The following USP7 variants were observed in gnomAD, a reference collection of about 807,000 sequenced individuals.
USP7 encodes the protein ubiquitin specific peptidase 7, also known as ubiquitin C-terminal hydrolase 7.
A neutral mutation model predicts 162.9 loss-of-function variants in USP7; 9 were observed. That is an observed-to-expected ratio of 0.06 (90% confidence interval 0.03 to 0.10). USP7 has a LOEUF of 0.10. Among genes scored for constraint, USP7 ranks in the 10% least tolerant of loss-of-function variants. The pLI is 1.00. For synonymous variants in USP7, 562 were observed against 475.9 expected, an observed-to-expected ratio of 1.18 and a Z score of -2.35; for missense variants, 715 against 1,373.7, an observed-to-expected ratio of 0.52 and a Z score of 7.58.
intron 7 of USP7, 120 bp downstream of exon 7, chr16:8,916,906 C>G (rs528856578): frequency 1.9e-5 from 22 of 1,162,328 alleles, no homozygotes; most frequent in East Asian, 8.0e-5. Context: ...AATGCTCAAG[C>G]CTCCCTAAAT....
In USP7 at chr16:8,902,491, A is replaced by G; in HGVS notation, c.1840-9T>C. 1 of 1,612,688 alleles carries G rather than the reference A, an allele frequency of 6.2e-7. No individual in the cohort carries two copies. ...TGATCTTGTGGAAATCCCTGAAAAA[A>G]ATATTAAGAGTAGATTAAAATAAAA... On this transcript the variant is annotated splice_polypyrimidine_tract_variant and intron_variant, in intron 16 of 30. Transcript: ENST00000344836.
Position 8,905,465 on chromosome 16 carries a change from T to C in USP7, c.1429-134A>G, listed in dbSNP as rs937594453. 1.4e-5 allele frequency: 15 copies of C among 1,087,332 alleles called. No homozygotes were observed. In the Admixed American group the frequency reaches 1.4e-4, roughly 10 times the overall value. 67.4% of individuals were successfully genotyped at this position (1,087,332 alleles called of 1,614,324 possible). A position where few individuals can be genotyped will look rare whatever the true frequency, so the allele number is the denominator to read the frequency against. On this transcript the variant is annotated intron_variant, in intron 13 of 30. Coordinates refer to ENST00000344836, the MANE Select transcript of USP7 (RefSeq NM_003470.3). ...TTGAAAAAATATCCATGTGTGTTCT[T>C]ATACAGGCACACAATCTGACGGTGT...
chr16:8,904,346 C>CAGAGGGGTGGG, intron 15 of USP7, 89 bp downstream of exon 15: 1 of 1,556,994 alleles, frequency 6.4e-7, no homozygotes, highest in Non-Finnish European at 8.7e-7. Flanking sequence ...CTGGGAGTCC[C>CAGAGGGGTGGG]AGAGGGGTGG....
chr16:8,905,971 T>A (rs924426318), intron 13 of USP7, among the ~76,000 whole-genome samples: 7 of 152,110 alleles, frequency 4.6e-5, no homozygotes, highest in African/African-American at 1.7e-4. Flanking sequence ...TGGGGGTAGA[T>A]TCCAAGACCC....
At chr16:8,894,195 G>GCTC in intron 30 of USP7, 91 bp from the exon 31 acceptor site, 1 of 1,213,270 alleles carries the variant, frequency 8.2e-7, no homozygotes, top group Non-Finnish European at 1.2e-6. Flanking sequence ...CATCCCTGTG[G>GCTC]CTCCCCAAGG....
At chr16:8,935,729 T>A (rs1411932865) in intron 1 of USP7, 1 of 152,320 alleles carries the variant, frequency 6.6e-6, no homozygotes, top group African/African-American at 2.4e-5. Context: ...AATATGTATA[T>A]GAAAAGGCAG....
intron 15 of USP7, among the ~76,000 whole-genome samples, chr16:8,904,150 T>C (rs1384649307): frequency 1.3e-5 from 2 of 152,294 alleles, no homozygotes; most frequent in Admixed American, 1.3e-4. Flanking sequence ...CCAGGGCAGC[T>C]CAAGGCACAA....
At position 8,895,713 on chromosome 16, in the gene USP7, T is replaced by C. The variant is rs1352181861; in HGVS notation, c.2848A>G (p.Ile950Val). Reference sequence around the variant, plus strand: ...AGTTCATCTTCTTGATGAACACCAATGATTTTGTAGCTTACAATTTCTAGC... The same window carrying C: ...AGTTCATCTTCTTGATGAACACCAACGATTTTGTAGCTTACAATTTCTAGC... ...RLLEIVSYKIIGVHQEDELLE... is the reference protein window; with the variant it reads ...RLLEIVSYKIVGVHQEDELLE... The change falls in exon 27 of 31, where the codon ATT becomes GTT. Residue 950 changes from isoleucine to valine, a missense_variant. By Grantham distance (29) the Ile-to-Val change is conservative. Around this residue, in one of 11 missense-constraint regions of USP7, gnomAD observed 222 missense variants for 441.7 expected, o/e 0.50. Coordinates refer to ENST00000344836, the MANE Select transcript of USP7 (RefSeq NM_003470.3). 1 of 1,612,868 alleles carries C rather than the reference T, an allele frequency of 6.2e-7. No individual in the cohort carries two copies. The highest frequency in any genetic ancestry group is 8.5e-7 in the Non-Finnish European group (1 of 1,179,770).
At chr16:8,936,845 A>C in intron 1 of USP7, 1 of 965,012 alleles carries the variant, frequency 1.0e-6, no homozygotes, top group Non-Finnish European at 1.3e-6. Context: ...TGAAACTCTG[A>C]AAGAATCTGA....
At position 8,920,224 on chromosome 16, in the gene USP7, C is replaced by T; in HGVS notation, c.611+135G>A. 4.2e-6 allele frequency: 3 copies of T among 718,946 alleles called. No homozygotes were observed. In the South Asian group the frequency reaches 5.6e-5, roughly 13 times the overall value. The allele number at this position is 718,946 out of a possible 1,614,324, so 44.5% of individuals were successfully genotyped here. On this transcript the variant is annotated intron_variant, in intron 5 of 30. Coordinates refer to ENST00000344836, the MANE Select transcript of USP7 (RefSeq NM_003470.3). ...AAACGAGTGTCAAGCAGGTGTGACTCTGTGTGCCACAGGGCAAGCGCAGAG... is the reference window on the plus strand; with the variant it reads ...AAACGAGTGTCAAGCAGGTGTGACTTTGTGTGCCACAGGGCAAGCGCAGAG...
chr16:8,918,028 G>A (rs1454339358), intron 6 of USP7, among the ~76,000 whole-genome samples: 2 of 151,990 alleles, frequency 1.3e-5, no homozygotes, highest in African/African-American at 2.4e-5. Flanking sequence ...CTGACCTCAT[G>A]ATCCGCCCGC....
intron 8 of USP7, 99 bp from the exon 9 acceptor site, chr16:8,915,624 T>C (rs1390703248): frequency 1.9e-6 from 2 of 1,063,388 alleles, no homozygotes; most frequent in Non-Finnish European, 1.4e-6. Flanking sequence ...TCAAAGAAGT[T>C]GTAGACTATA....
At chr16:8,894,183 T>G in intron 30 of USP7, 79 bp from the exon 31 acceptor site, 1 of 1,321,956 alleles carries the variant, frequency 7.6e-7, no homozygotes, top group South Asian at 1.2e-5. Context: ...CAGTGAGGCA[T>G]GCATCCCTGT....
At position 8,904,590 on chromosome 16, in the gene USP7, G is replaced by C. The variant is rs56001050; in HGVS notation, c.1574-25C>G. Reference sequence around the variant, plus strand: ...CCTGCAGGACAAAGGCATCCTCTTTGACCCCTGCAGATGGACTTTCCCCTC... The same window carrying C: ...CCTGCAGGACAAAGGCATCCTCTTTCACCCCTGCAGATGGACTTTCCCCTC... On this transcript the variant is annotated intron_variant, in intron 14 of 30. Transcript: ENST00000344836. 3,788 of 1,611,716 alleles carry C rather than the reference G, an allele frequency of 2.4e-3. 68 individuals are homozygous for C. The African/African-American group carries it at 0.043, about 18-fold the overall frequency.
rs1439764247 is a variant in USP7, at chr16:8,894,814, C to T, written c.3081G>A (p.Leu1027=). The part of the protein sequence containing the change: ...FREVMKRIQS[L]LDIQEKEFEK... Reference sequence around the variant, plus strand: ...CAAACTCCTTCTCCTGGATGTCCAGCAGGCTCTGGATTCGCTTCATCACTT... The same window carrying T: ...CAAACTCCTTCTCCTGGATGTCCAGTAGGCTCTGGATTCGCTTCATCACTT... The change falls in exon 29 of 31, where the codon CTG becomes CTA. Residue 1027 remains leucine, a synonymous_variant. Coordinates refer to ENST00000344836, the MANE Select transcript of USP7 (RefSeq NM_003470.3). 1.2e-6 allele frequency: 2 copies of T among 1,614,246 alleles called. No individual in the cohort carries two copies. The highest frequency in any genetic ancestry group is 3.3e-5 in the Admixed American group (2 of 60,030).
chr16:8,903,462 C>T (rs980531618), intron 15 of USP7, 60 bp from the exon 16 acceptor site: 7 of 1,564,866 alleles, frequency 4.5e-6, no homozygotes, highest in East Asian at 2.3e-5. Flanking sequence ...TGAGTCCACA[C>T]TGAACACATT....
In USP7 at chr16:8,892,797, T is replaced by G. The variant is rs1339443248; in HGVS notation, c.*1201A>C. 6.6e-6 allele frequency: 1 copy of G among 152,132 alleles called. No homozygotes were observed. Among genetic ancestry groups the G allele is most frequent in the African/African-American group, 2.4e-5 (1 of 41,430 alleles). 9.4% of individuals were successfully genotyped at this position (152,132 alleles called of 1,614,324 possible). ...TTATAATTTTTATAGAAAATTTTAT[T>G]CAACATACAACATTTTCCAGCAAAA... On this transcript the variant is annotated 3_prime_UTR_variant, in exon 31 of 31. Coordinates refer to ENST00000344836, the MANE Select transcript of USP7 (RefSeq NM_003470.3).
intron 1 of USP7, among the ~76,000 whole-genome samples, chr16:8,931,156 A>G (rs1396168048): frequency 6.6e-6 from 1 of 152,000 alleles, no homozygotes; most frequent in East Asian, 1.9e-4. Flanking sequence ...ATTAAAACAA[A>G]TATTTTAAAC....
intron 1 of USP7, among the ~76,000 whole-genome samples, chr16:8,952,263 T>A (rs1899588493): frequency 6.6e-6 from 1 of 151,992 alleles, no homozygotes; most frequent in South Asian, 2.1e-4. Flanking sequence ...AAATATTAAT[T>A]AAAATTCAGT....
Sources: allele counts gnomAD v4.1 joint callset (sites outside exome capture counted in the v4.1 genomes callset), GRCh38; gene constraint gnomAD v4.1.1; regional missense constraint gnomAD v4.1.1; transcripts MANE v1.5; gene names NCBI Gene and HGNC (gene_info 2026-07-23, HGNC 2026-07-21).